ANKS1B: variants seen among roughly 807,000 people sequenced by gnomAD.
ANKS1B encodes the protein ankyrin repeat and sterile alpha motif domain-containing protein 1B.
Under a neutral mutation model 148.3 loss-of-function variants are expected in ANKS1B, and 36 were observed. The ratio of observed to expected loss-of-function variants is 0.24; its 90% CI spans 0.19 to 0.32. The LOEUF (loss-of-function observed/expected upper bound fraction) is 0.32. Among genes scored for constraint, ANKS1B ranks in the 10% least tolerant of loss-of-function variants. The pLI is 1.00. For synonymous variants in ANKS1B, 542 were observed against 560.8 expected, an observed-to-expected ratio of 0.97 and a Z score of 0.47; for missense variants, 1,157 against 1,542.6, an observed-to-expected ratio of 0.75 and a Z score of 4.19.
intron 1 of ANKS1B, among the ~76,000 whole-genome samples, chr12:99,912,050 A>T (rs1473541462): frequency 6.6e-6 from 1 of 152,230 alleles, no homozygotes; most frequent in Non-Finnish European, 1.5e-5. Flanking sequence ...GTGATTCATG[A>T]ATTAGGCAGC....
intron 1 of ANKS1B, among the ~76,000 whole-genome samples, chr12:99,890,572 TGTG>T: frequency 4.4e-4 from 1 of 2,298 alleles, no homozygotes; most frequent in Admixed American, 0.011. Flanking sequence ...GCATTCATGG[TGTG>T]TGTGTGTGTG....
chr12:99,418,810 G>A (rs897430811), intron 11 of ANKS1B, among the ~76,000 whole-genome samples: 1 of 152,026 alleles, frequency 6.6e-6, no homozygotes. Flanking sequence ...ATCAAGTTGA[G>A]AAAATTCCCC....
intron 25 of ANKS1B, among the ~76,000 whole-genome samples, chr12:98,769,962 T>G (rs2098545553): frequency 6.6e-6 from 1 of 152,188 alleles, no homozygotes. Flanking sequence ...TTTCAATCCT[T>G]TCGTAATGGC....
At chr12:98,893,158 C>A (rs956956578) in intron 17 of ANKS1B, among the ~76,000 whole-genome samples, 6 of 152,166 alleles carry the variant, frequency 3.9e-5, no homozygotes, top group African/African-American at 1.2e-4. Flanking sequence ...CATTTGTATT[C>A]GTTACTCCTT....
chr12:99,368,190 T>C (rs538427788), intron 12 of ANKS1B, among the ~76,000 whole-genome samples: 6 of 152,146 alleles, frequency 3.9e-5, no homozygotes, highest in South Asian at 2.1e-4. Flanking sequence ...GACACATGAA[T>C]GTAAAGATGG....
intron 12 of ANKS1B, among the ~76,000 whole-genome samples, chr12:99,302,032 GA>G (rs2081704301): frequency 1.3e-5 from 2 of 152,130 alleles, no homozygotes; most frequent in Admixed American, 1.3e-4. Context: ...CAGAAACACA[GA>G]AAACAGGTGT....
chr12:99,793,543 G>C (rs538881900), intron 4 of ANKS1B, among the ~76,000 whole-genome samples: 5 of 152,028 alleles, frequency 3.3e-5, no homozygotes, highest in African/African-American at 1.2e-4. Context: ...ACTCATTTTC[G>C]ACAAAAGAGC....
intron 1 of ANKS1B, among the ~76,000 whole-genome samples, chr12:99,855,968 G>A (rs1360662010): frequency 6.6e-6 from 1 of 151,922 alleles, no homozygotes; most frequent in African/African-American, 2.4e-5. Context: ...GTCTAAAGGA[G>A]CACAAATAGA....
chr12:99,226,552 C>T (rs570059077), intron 14 of ANKS1B, among the ~76,000 whole-genome samples: 1 of 152,280 alleles, frequency 6.6e-6, no homozygotes, highest in South Asian at 2.1e-4. Context: ...ATCACATCTA[C>T]AGTTCTGATT....
chr12:99,876,170 T>C (rs1488072838), intron 1 of ANKS1B, among the ~76,000 whole-genome samples: 1 of 152,188 alleles, frequency 6.6e-6, no homozygotes, highest in Non-Finnish European at 1.5e-5. Context: ...ATATTTACTA[T>C]GATTAGGCAC....
chr12:99,775,458 G>A, intron 7 of ANKS1B, 90 bp downstream of exon 7: 1 of 759,910 alleles, frequency 1.3e-6, no homozygotes. Flanking sequence ...GAAATATAGA[G>A]TATAGGATAT....
chr12:99,207,014 T>G (rs10507111), intron 14 of ANKS1B, among the ~76,000 whole-genome samples: 9,983 of 152,210 alleles, frequency 0.066, 684 homozygotes, highest in African/African-American at 0.18. Context: ...AGAATGATGG[T>G]TACGACAAGG....
chr12:99,244,609 T>C (rs903213426), intron 13 of ANKS1B, among the ~76,000 whole-genome samples, 195 bp from the exon 14 acceptor site: 2 of 152,234 alleles, frequency 1.3e-5, no homozygotes, highest in African/African-American at 4.8e-5. Flanking sequence ...GTAAAGTATG[T>C]TCCCCTTTCT....
chr12:99,578,563 G>A (rs1036946810), intron 9 of ANKS1B, among the ~76,000 whole-genome samples: 1 of 151,886 alleles, frequency 6.6e-6, no homozygotes, highest in African/African-American at 2.4e-5. Context: ...AATAATCCAA[G>A]CTGAGAGACA....
intron 12 of ANKS1B, among the ~76,000 whole-genome samples, chr12:99,308,287 C>T (rs1602665399): frequency 6.6e-6 from 1 of 152,116 alleles, no homozygotes; most frequent in Non-Finnish European, 1.5e-5. Flanking sequence ...TAATCTATTT[C>T]TCATACTTCT....
At chr12:98,741,019 AATG>A (rs1348408823), downstream of ANKS1B, among the ~76,000 whole-genome samples, 4 of 152,208 alleles carry the variant, frequency 2.6e-5, no homozygotes, top group African/African-American at 9.7e-5. Flanking sequence ...TTGAGATTTC[AATG>A]ATATCATAAA....
At chr12:99,377,071 G>A (rs11109817) in intron 12 of ANKS1B, among the ~76,000 whole-genome samples, 32 of 151,442 alleles carry the variant, frequency 2.1e-4, no homozygotes, top group Non-Finnish European at 3.4e-4. Flanking sequence ...GCCGTGGTGC[G>A]ATCTTGGCCC....
At chr12:99,187,062 T>C (rs1043939819) in intron 14 of ANKS1B, among the ~76,000 whole-genome samples, 4 of 151,360 alleles carry the variant, frequency 2.6e-5, no homozygotes, top group East Asian at 2.0e-4. Context: ...AATAGCCAAA[T>C]TGATCAAGCA....
intron 10 of ANKS1B, among the ~76,000 whole-genome samples, chr12:99,484,720 C>T (rs1015348479): frequency 1.4e-5 from 2 of 147,436 alleles, no homozygotes; most frequent in Non-Finnish European, 3.0e-5. Context: ...GCTGGGTTGA[C>T]CCTTTTATCA....
Sources: allele counts gnomAD v4.1 joint callset (sites outside exome capture counted in the v4.1 genomes callset), GRCh38; gene constraint gnomAD v4.1.1; transcripts MANE v1.5; gene names NCBI Gene and HGNC (gene_info 2026-07-23, HGNC 2026-07-21).